The following ITSN2 variants were observed in gnomAD, a reference collection of about 807,000 sequenced individuals.
ITSN2 encodes the protein intersectin 2.
Under a neutral mutation model 243.7 loss-of-function variants are expected in ITSN2, and 156 were observed. That is an observed-to-expected ratio of 0.64 (90% CI 0.56 to 0.73). The LOEUF (loss-of-function observed/expected upper bound fraction) is 0.73. Among genes scored for constraint, ITSN2 ranks in the 30% least tolerant of loss-of-function variants. The pLI is 0.00. For synonymous variants in ITSN2, 703 were observed against 699.9 expected (o/e 1.00, Z -0.07); for missense variants, 1,801 against 1,996.1 (o/e 0.90, Z 1.86).
intron 18 of ITSN2, among the ~76,000 whole-genome samples, chr2:24,273,175 C>A (rs186658013): frequency 6.6e-6 from 1 of 152,290 alleles, no homozygotes; most frequent in East Asian, 1.9e-4. Flanking sequence ...GTCATCAATG[C>A]TTTCTCCTTA....
At chr2:24,210,977 G>T (rs372639086) in intron 33 of ITSN2, 30 bp from the exon 34 acceptor site, 11 of 1,610,072 alleles carry the variant, frequency 6.8e-6, no homozygotes, top group Non-Finnish European at 7.6e-6. Flanking sequence ...GTCACATGGG[G>T]GAGCTGCGTC....
chr2:24,357,052 G>C (rs1390520133), intron 1 of ITSN2, among the ~76,000 whole-genome samples: 1 of 152,226 alleles, frequency 6.6e-6, no homozygotes, highest in Non-Finnish European at 1.5e-5. Context: ...TTCAACCATA[G>C]TGGAAGATAG....
At chr2:24,207,319 G>A (rs1668997345) in intron 37 of ITSN2, among the ~76,000 whole-genome samples, 1 of 151,952 alleles carries the variant, frequency 6.6e-6, no homozygotes. Context: ...AGCTGACCAG[G>A]TGTGAGGTGC....
At chr2:24,269,058 GT>G (rs34653734) in intron 20 of ITSN2, among the ~76,000 whole-genome samples, 90,985 of 146,508 alleles carry the variant, frequency 0.62, 28,281 homozygotes, top group Admixed American at 0.72. Context: ...AAACTCTCCT[GT>G]TTTTTTTTTT....
chr2:24,308,324 T>C (rs1397125170), intron 8 of ITSN2, among the ~76,000 whole-genome samples: 1 of 152,246 alleles, frequency 6.6e-6, no homozygotes, highest in Admixed American at 6.5e-5. Context: ...CTCCATTCAC[T>C]GCAAAGCTTA....
chr2:24,204,636 T>C lies in ITSN2; in HGVS notation c.4763-218A>G, dbSNP rs936056324. 5 of 646,562 alleles carry C rather than the reference T, an allele frequency of 7.7e-6. No homozygotes were observed. The African/African-American group carries it at 8.9e-5, about 12-fold the overall frequency. 40.1% of individuals were successfully genotyped at this position (646,562 alleles called of 1,614,324 possible). A position where few individuals can be genotyped will look rare whatever the true frequency, so the allele number is the denominator to read the frequency against. On this transcript the variant is annotated intron_variant, in intron 38 of 39. Coordinates refer to ENST00000355123, the MANE Select transcript of ITSN2 (RefSeq NM_006277.3). This position sits in a 1 kb window ranked among gnomAD's most constrained non-coding sequence, Gnocchi z 5.1. ...CATTAACTGGGGAGTGGCCGAGAGC[T>C]CCACCGCCAGGACCACTCCGCACGG...
At chr2:24,288,734 T>C (rs1044293747) in intron 15 of ITSN2, among the ~76,000 whole-genome samples, 1 of 152,204 alleles carries the variant, frequency 6.6e-6, no homozygotes, top group Non-Finnish European at 1.5e-5. Context: ...TTATTAACTA[T>C]AGTCACCAGG....
chr2:24,300,571 T>G (rs890125454), intron 11 of ITSN2, among the ~76,000 whole-genome samples: 4 of 151,938 alleles, frequency 2.6e-5, no homozygotes, highest in Non-Finnish European at 5.9e-5. Context: ...TACCAAAAAT[T>G]AGCCAGGCAT....
At chr2:24,260,972 T>G in intron 22 of ITSN2, 134 bp downstream of exon 22, 1 of 672,192 alleles carries the variant, frequency 1.5e-6, no homozygotes. Flanking sequence ...TCACATCACA[T>G]GTGAATAAGA....
intron 19 of ITSN2, among the ~76,000 whole-genome samples, chr2:24,271,434 T>C (rs1677332268): frequency 6.6e-6 from 1 of 152,200 alleles, no homozygotes; most frequent in Non-Finnish European, 1.5e-5. Flanking sequence ...AATTTTACTG[T>C]TGTTTCATTA....
chr2:24,213,894 T>C (rs1399351807), intron 32 of ITSN2, among the ~76,000 whole-genome samples: 1 of 152,238 alleles, frequency 6.6e-6, no homozygotes, highest in Non-Finnish European at 1.5e-5. Context: ...TATTGAATCA[T>C]TTTTGCATCC....
At chr2:24,234,477 A>G (rs1671929414) in intron 29 of ITSN2, among the ~76,000 whole-genome samples, 1 of 152,218 alleles carries the variant, frequency 6.6e-6, no homozygotes, top group Non-Finnish European at 1.5e-5. Flanking sequence ...GACACAATCC[A>G]TGAAAGAAAG....
At chr2:24,323,566 A>G (rs1431800043) in intron 2 of ITSN2, among the ~76,000 whole-genome samples, 1 of 152,226 alleles carries the variant, frequency 6.6e-6, no homozygotes, top group African/African-American at 2.4e-5. Context: ...TGCCAATAAT[A>G]CATGGCTAAA....
intron 1 of ITSN2, among the ~76,000 whole-genome samples, chr2:24,332,061 T>A (rs1469148290): frequency 6.6e-6 from 1 of 152,134 alleles, no homozygotes; most frequent in Admixed American, 6.5e-5. Context: ...CTGACCAACA[T>A]GGTGAAACCC....
chr2:24,243,430 T>A (rs1017483663), intron 29 of ITSN2, among the ~76,000 whole-genome samples: 1 of 152,024 alleles, frequency 6.6e-6, no homozygotes, highest in Non-Finnish European at 1.5e-5. Context: ...TATAAAATCA[T>A]TGCGTAGGTC....
chr2:24,257,954 C>T lies in ITSN2; in HGVS notation c.2822G>A (p.Gly941Glu), dbSNP rs1389555264. 1 of 1,614,014 alleles carries T rather than the reference C, an allele frequency of 6.2e-7. No homozygotes were observed. Among genetic ancestry groups the T allele is most frequent in the Non-Finnish European group, 8.5e-7 (1 of 1,179,996 alleles). The change falls in exon 23 of 40, where the codon GGA becomes GAA. Residue 941 changes from glycine (G) to glutamate (E), a missense_variant. Gly to Glu is a moderately conservative substitution (Grantham distance 98). Around this residue, in one of 5 missense-constraint regions of ITSN2, gnomAD observed 928 missense variants for 1,065.4 expected, o/e 0.87. Coordinates refer to ENST00000355123, the MANE Select transcript of ITSN2 (RefSeq NM_006277.3). ...QENWWFGEVH[G>E]GRGWFPKSYV... ...AGATTTGGGAAACCATCCTCTTCCTCCATGCACCTCCCCAAACCACCAATT... is the reference window on the plus strand; with the variant it reads ...AGATTTGGGAAACCATCCTCTTCCTTCATGCACCTCCCCAAACCACCAATT...
rs369922695 is a variant in ITSN2 at position 24,348,157 on chromosome 2, G to C, written c.-34+12147C>G. 7.3e-5 allele frequency among the ~76,000 whole-genome samples: 11 copies of C among 150,098 alleles called. No individual in the cohort carries two copies. In the South Asian group the frequency reaches 1.3e-3, roughly 17 times the overall value. ...TACTCTTCAGTAAAGAGAAGGCTAT[G>C]GTAAACTTACAACTAGTTTTTCAAA... On this transcript the variant is annotated intron_variant, in intron 1 of 39. Transcript: ENST00000355123.
intron 9 of ITSN2, among the ~76,000 whole-genome samples, chr2:24,303,150 G>A: frequency 6.6e-6 from 1 of 152,086 alleles, no homozygotes; most frequent in East Asian, 1.9e-4. Flanking sequence ...TTATTTTAGA[G>A]TATACTCCTT....
chr2:24,295,618 T>A lies in ITSN2; in HGVS notation c.1635+46A>T, dbSNP rs553901158. The stretch of plus-strand genomic sequence containing the variant: ...GCCACCGTGCCCAGCCCAGAAGAAC[T>A]ATTAATTGTACATGTTTAAGAACAA... On this transcript the variant is annotated intron_variant, in intron 14 of 39. Coordinates refer to ENST00000355123, the MANE Select transcript of ITSN2 (RefSeq NM_006277.3). 138 of 1,421,940 alleles carry A rather than the reference T, an allele frequency of 9.7e-5. 4 individuals carry two copies. In the South Asian group the frequency reaches 2.1e-3, roughly 22 times the overall value. The allele number at this position is 1,421,940 out of a possible 1,614,324, so 88.1% of individuals were successfully genotyped here.
Sources: allele counts gnomAD v4.1 joint callset (sites outside exome capture counted in the v4.1 genomes callset), GRCh38; gene constraint gnomAD v4.1.1; regional missense constraint gnomAD v4.1.1; non-coding constraint Gnocchi (gnomAD v3.1); transcripts MANE v1.5; gene names NCBI Gene and HGNC (gene_info 2026-07-23, HGNC 2026-07-21).